The following ITGA1 variants were observed in gnomAD, a reference collection of about 807,000 sequenced individuals.
ITGA1 encodes the protein integrin subunit alpha 1.
In ITGA1, 85 loss-of-function variants were observed where a neutral mutation model predicts 145.9. That is an observed-to-expected ratio of 0.58 (90% CI 0.49 to 0.70). The LOEUF (loss-of-function observed/expected upper bound fraction) is 0.70, where lower values mean the gene tolerates loss of function less well. ITGA1 is among the 30% of genes least tolerant of loss of function. The pLI is 0.00. For synonymous variants in ITGA1, 520 were observed against 495.3 expected (o/e 1.05, Z -0.66); for missense variants, 1,351 against 1,418.7 (o/e 0.95, Z 0.77).
chr5:52,863,909 G>A (rs1749644272), intron 3 of ITGA1: 1 of 152,126 alleles, frequency 6.6e-6, no homozygotes, highest in African/African-American at 2.4e-5. Context: ...TTGGACAAAG[G>A]CCATTGCGCA....
chr5:52,792,972 T>G (rs1253701184), intron 1 of ITGA1, among the ~76,000 whole-genome samples: 2 of 152,152 alleles, frequency 1.3e-5, no homozygotes, highest in Non-Finnish European at 2.9e-5. Context: ...TTATTGAGCT[T>G]CTTTCAGCTC....
intron 1 of ITGA1, chr5:52,801,558 T>C (rs1316045294): frequency 6.2e-7 from 1 of 1,614,130 alleles, no homozygotes; most frequent in Non-Finnish European, 8.5e-7. Context: ...CGGATCGAGC[T>C]TTCTATGGAC....
intron 7 of ITGA1, among the ~76,000 whole-genome samples, chr5:52,887,319 T>C (rs1421331424): frequency 6.6e-6 from 1 of 152,162 alleles, no homozygotes; most frequent in Non-Finnish European, 1.5e-5. Context: ...CTCTGTTCTC[T>C]CTCATCTCTC....
chr5:52,909,962 A>G (rs1750477685), intron 13 of ITGA1, among the ~76,000 whole-genome samples, 200 bp from the exon 14 acceptor site: 1 of 152,100 alleles, frequency 6.6e-6, no homozygotes, highest in South Asian at 2.1e-4. Context: ...CCATTAAAGT[A>G]TGTCTCCCAC....
chr5:52,874,601 T>C (rs1458963226), intron 6 of ITGA1, among the ~76,000 whole-genome samples: 1 of 152,120 alleles, frequency 6.6e-6, no homozygotes, highest in Non-Finnish European at 1.5e-5. Context: ...CACACTCACT[T>C]TTCTCCCTCT....
Position 52,933,938 on chromosome 5 carries a change from T to C in ITGA1, c.2906T>C (p.Val969Ala). 1.3e-6 allele frequency: 2 copies of C among 1,536,708 alleles called. No homozygotes were observed. Among genetic ancestry groups the C allele is most frequent in the Non-Finnish European group, 8.8e-7 (1 of 1,137,432 alleles). ...ATTTCAATTGCTGCCAATGAGACAG[T>C]CCCTGAAGTTATTAATTCTACTGAG... ...YHISIAANET[V>A]PEVINSTEDI... is the part of the protein sequence containing the mutation. The change falls in exon 23 of 29, where the codon GTC (valine) becomes GCC (alanine). Residue 969 changes from valine to alanine, a missense_variant. By Grantham distance (64) the Val-to-Ala change is moderately conservative. Coordinates refer to ENST00000282588, the MANE Select transcript of ITGA1 (RefSeq NM_181501.2).
At chr5:52,938,534 G>C (rs987842423) in intron 24 of ITGA1, among the ~76,000 whole-genome samples, 8 of 151,982 alleles carry the variant, frequency 5.3e-5, no homozygotes, top group African/African-American at 1.9e-4. Context: ...TAAGCCTTTG[G>C]AATTTCCCTC....
chr5:52,911,690 A>G (rs188205710), intron 14 of ITGA1, among the ~76,000 whole-genome samples: 5,205 of 123,376 alleles, frequency 0.042, 743 homozygotes, highest in African/African-American at 0.16. Context: ...TATATATACT[A>G]TACATATAGT....
chr5:52,828,673 T>G (rs1029087532), intron 1 of ITGA1, among the ~76,000 whole-genome samples: 1 of 152,210 alleles, frequency 6.6e-6, no homozygotes, highest in African/African-American at 2.4e-5. Flanking sequence ...GTTTCCTTTC[T>G]TGAATGTATT....
intron 1 of ITGA1, among the ~76,000 whole-genome samples, chr5:52,834,432 G>C (rs1749123330): frequency 6.6e-6 from 1 of 151,638 alleles, no homozygotes; most frequent in Non-Finnish European, 1.5e-5. Flanking sequence ...AGTGGAGAGA[G>C]ACAGAGAGAA....
rs1314948016 is a variant in ITGA1 at position 52,905,846 on chromosome 5, G to A, written c.1393G>A (p.Val465Ile). The stretch of plus-strand genomic sequence containing the variant: ...GCCTCGGTACAATCATACAGGCCAG[G>A]TCATTATCTACAGGATGGAAGATGG... ...GQPRYNHTGQ[V>I]IIYRMEDGNI... Residue 465 changes from valine to isoleucine, a missense_variant, in exon 12 of 29, where the codon GTC (valine) becomes ATC (isoleucine). Val to Ile is a conservative substitution (Grantham distance 29). Transcript: ENST00000282588. The A allele has an allele frequency of 6.2e-7, 1 of 1,613,520 alleles. No individual in the cohort carries two copies. The highest frequency in any genetic ancestry group is 8.5e-7 in the Non-Finnish European group (1 of 1,179,740).
At chr5:52,923,236 T>C (rs1322079004) in intron 18 of ITGA1, among the ~76,000 whole-genome samples, 2 of 152,220 alleles carry the variant, frequency 1.3e-5, no homozygotes, top group Non-Finnish European at 2.9e-5. Context: ...GTGGCCATTT[T>C]CTTCTATGGC....
intron 11 of ITGA1, chr5:52,905,466 G>A (rs1750385517): frequency 4.7e-6 from 1 of 211,162 alleles, no homozygotes; most frequent in Non-Finnish European, 9.4e-6. Flanking sequence ...TTACAAATTG[G>A]GGTGGGGATG....
intron 2 of ITGA1, among the ~76,000 whole-genome samples, chr5:52,857,657 C>G (rs1749538328): frequency 6.6e-6 from 1 of 152,116 alleles, no homozygotes; most frequent in Non-Finnish European, 1.5e-5. Context: ...TTACCCTTGC[C>G]TAGTTTTCTT....
In ITGA1 at chr5:52,955,376, GA is replaced by G. The variant is rs1751289325; in HGVS notation, c.*2926del. The G allele has an allele frequency of 1.7e-5, 2 of 119,698 alleles. No individual in the cohort carries two copies. Among genetic ancestry groups the G allele is most frequent in the Non-Finnish European group, 3.4e-5 (2 of 58,114 alleles). 7.4% of individuals were successfully genotyped at this position (119,698 alleles called of 1,614,324 possible). On this transcript the variant is annotated 3_prime_UTR_variant, in exon 29 of 29. Transcript: ENST00000282588. ...AGATAGATAGATAGATAGATAGATA[GA>G]TAGATAGATAGATAGATATTGATAG... is the stretch of plus-strand genomic sequence containing the variant.
At position 52,914,476 on chromosome 5, in the gene ITGA1, A is replaced by G. The variant is rs182854326; in HGVS notation, c.1858-988A>G. Among the ~76,000 whole-genome samples the G allele has an allele frequency of 2.5e-3, 388 of 152,248 alleles. 3 individuals are homozygous for G. The highest frequency in any genetic ancestry group is 0.02 in the South Asian group (94 of 4,818). ...ATGGTGAAACCCCGTCTCTACTAAA[A>G]ATACAAAAAATTAGCCGGGCATGGT... On this transcript the variant is annotated intron_variant, in intron 14 of 28. Coordinates refer to ENST00000282588, the MANE Select transcript of ITGA1 (RefSeq NM_181501.2).
intron 23 of ITGA1, among the ~76,000 whole-genome samples, chr5:52,934,841 C>A (rs1157258473): frequency 6.6e-6 from 1 of 151,816 alleles, no homozygotes; most frequent in African/African-American, 2.4e-5. Flanking sequence ...AACGTATACT[C>A]CCAAGATTAA....
At chr5:52,911,896 C>T (rs1302034672) in intron 14 of ITGA1, among the ~76,000 whole-genome samples, 1 of 115,322 alleles carries the variant, frequency 8.7e-6, no homozygotes, top group African/African-American at 3.2e-5. Flanking sequence ...TATAGCATAT[C>T]TAATATATAG....
At chr5:52,913,473 G>A (rs1160300264) in intron 14 of ITGA1, among the ~76,000 whole-genome samples, 2 of 152,134 alleles carry the variant, frequency 1.3e-5, no homozygotes, top group Admixed American at 6.5e-5. Context: ...ATTCCTGTTT[G>A]TAATTTGTTG....
Sources: gnomAD v4.1 joint callset for allele counts (sites outside exome capture counted in the v4.1 genomes callset) on GRCh38, gnomAD v4.1.1 for gene constraint, MANE v1.5 for transcripts, NCBI Gene and HGNC (gene_info 2026-07-23, HGNC 2026-07-21) for gene names.